FRMPD4: variants seen among roughly 807,000 people sequenced by gnomAD.
FRMPD4 encodes FERM and PDZ domain containing 4.
Under a neutral mutation model 94.1 loss-of-function variants are expected in FRMPD4, and 22 were observed. That is an observed-to-expected ratio of 0.23 (90% CI 0.17 to 0.33). The LOEUF (loss-of-function observed/expected upper bound fraction) is 0.33. FRMPD4 is among the 10% of genes least tolerant of loss of function. The probability of loss-of-function intolerance (pLI) is 1.00; values close to 1 mark genes in which losing one functional copy is unlikely to be tolerated. For synonymous variants in FRMPD4, 631 were observed against 548.6 expected, an observed-to-expected ratio of 1.15 and a Z score of -2.10; for missense variants, 1,111 against 1,339.9, an observed-to-expected ratio of 0.83 and a Z score of 2.67.
At chrX:12,704,196 G>A (rs2041837131) in intron 10 of FRMPD4, among the ~76,000 whole-genome samples, 163 bp from the exon 11 acceptor site, 1 of 112,606 alleles carries the variant, frequency 8.9e-6, no homozygotes, top group South Asian at 3.7e-4. Context: ...ATCAAGTAGT[G>A]TGTGTCCTGA....
chrX:12,060,787 T>C (rs902574504), intron 3 of FRMPD4, among the ~76,000 whole-genome samples: 1 of 111,951 alleles, frequency 8.9e-6, no homozygotes, highest in African/African-American at 3.2e-5. Context: ...ATGTATTCTT[T>C]GTGTTTACAT....
At chrX:12,046,307 C>T (rs906921567) in intron 3 of FRMPD4, among the ~76,000 whole-genome samples, 2 of 111,457 alleles carry the variant, frequency 1.8e-5, no homozygotes, top group East Asian at 5.6e-4. Context: ...AAACTCACCA[C>T]GTTTTTTTCT....
intron 1 of FRMPD4, among the ~76,000 whole-genome samples, chrX:12,400,075 G>A (rs1043381010): frequency 1.8e-5 from 2 of 111,599 alleles, no homozygotes; most frequent in Non-Finnish European, 3.8e-5. Flanking sequence ...ACTTGTTTCT[G>A]ATTCCCCAGA....
intron 1 of FRMPD4, among the ~76,000 whole-genome samples, chrX:12,157,787 A>T (rs978311448): frequency 8.9e-6 from 1 of 112,724 alleles, no homozygotes; most frequent in African/African-American, 3.2e-5. Context: ...AGCCCTGGCG[A>T]TGGCCATAGA....
intron 4 of FRMPD4, among the ~76,000 whole-genome samples, chrX:12,633,870 C>G (rs1602238832): frequency 8.9e-6 from 1 of 112,110 alleles, no homozygotes; most frequent in East Asian, 2.8e-4. Context: ...AAGTTATTTA[C>G]CACCGTGTAG....
chrX:12,016,381 CATTAA>C (rs1332687584), intron 3 of FRMPD4, among the ~76,000 whole-genome samples: 1 of 111,864 alleles, frequency 8.9e-6, no homozygotes, highest in Admixed American at 9.5e-5. Flanking sequence ...GACTAGAGTG[CATTAA>C]ATGTGGAGTG....
chrX:12,164,854 G>A (rs2056086684), intron 1 of FRMPD4, among the ~76,000 whole-genome samples: 1 of 112,479 alleles, frequency 8.9e-6, no homozygotes, highest in Non-Finnish European at 1.9e-5. Context: ...CTTCTTTTGA[G>A]AAGTGTCTGT....
At chrX:12,026,759 A>G (rs192551042) in intron 3 of FRMPD4, among the ~76,000 whole-genome samples, 47 of 112,639 alleles carry the variant, frequency 4.2e-4, no homozygotes, top group African/African-American at 1.5e-3. Flanking sequence ...TCAAGCAATA[A>G]TTATCAAGAT....
intron 2 of FRMPD4, among the ~76,000 whole-genome samples, chrX:12,537,789 C>G (rs1271924365): frequency 9.1e-6 from 1 of 110,123 alleles, no homozygotes; most frequent in African/African-American, 3.3e-5. Context: ...TTTAAGCACG[C>G]CTATTGTCTG....
intron 1 of FRMPD4, among the ~76,000 whole-genome samples, chrX:12,219,439 G>A (rs1295232467): frequency 8.9e-6 from 1 of 111,901 alleles, no homozygotes; most frequent in Non-Finnish European, 1.9e-5. Flanking sequence ...GAGAGAAAAG[G>A]GTAAACTTTT....
chrX:12,529,013 A>G (rs1474472042), intron 2 of FRMPD4, among the ~76,000 whole-genome samples: 5 of 112,564 alleles, frequency 4.4e-5, no homozygotes, highest in Non-Finnish European at 7.5e-5. Context: ...TAGTGGCCTA[A>G]AACAACTTAC....
intron 1 of FRMPD4, among the ~76,000 whole-genome samples, chrX:12,431,745 AATTTTGTTTACAC>A (rs2057012397): frequency 8.9e-6 from 1 of 112,397 alleles, no homozygotes; most frequent in Non-Finnish European, 1.9e-5. Context: ...CATGGTTGAT[AATTTTGTTTACAC>A]AATATGTTTG....
At chrX:12,127,511 C>A (rs1427659988) in intron 3 of FRMPD4, among the ~76,000 whole-genome samples, 3 of 111,800 alleles carry the variant, frequency 2.7e-5, no homozygotes, top group African/African-American at 9.8e-5. Flanking sequence ...CCCACTGGGT[C>A]CCTCCCACCA....
chrX:12,275,050 A>T (rs768993862), intron 1 of FRMPD4, among the ~76,000 whole-genome samples: 1 of 112,004 alleles, frequency 8.9e-6, no homozygotes, highest in African/African-American at 3.2e-5. Flanking sequence ...GTAGCCCCAG[A>T]TAGAATGTGA....
intron 1 of FRMPD4, among the ~76,000 whole-genome samples, chrX:12,188,407 T>C: frequency 9.0e-6 from 1 of 111,540 alleles, no homozygotes; most frequent in Middle Eastern, 4.6e-3. Flanking sequence ...GCAGAAGTAT[T>C]TGGAGGTGTA....
At chrX:12,168,202 G>T (rs907505050) in intron 1 of FRMPD4, among the ~76,000 whole-genome samples, 5 of 111,511 alleles carry the variant, frequency 4.5e-5, no homozygotes, top group Non-Finnish European at 7.5e-5. Context: ...CTAGGACTCG[G>T]AACAACTGTG....
chrX:11,991,827 C>T (rs16986642), intron 3 of FRMPD4, among the ~76,000 whole-genome samples: 5,519 of 111,883 alleles, frequency 0.049, 353 homozygotes, highest in African/African-American at 0.17. Flanking sequence ...AGGTACTTCT[C>T]CTCTAAACAG....
At chrX:12,201,076 G>A in intron 1 of FRMPD4, among the ~76,000 whole-genome samples, 1 of 112,222 alleles carries the variant, frequency 8.9e-6, no homozygotes, top group African/African-American at 3.2e-5. Context: ...TCACTTGGAA[G>A]GATGGGTTCT....
chrX:12,295,864 G>A (rs1452971278), intron 1 of FRMPD4, among the ~76,000 whole-genome samples: 1 of 112,214 alleles, frequency 8.9e-6, no homozygotes, highest in African/African-American at 3.2e-5. Flanking sequence ...GTTATTTAGT[G>A]GAGAGGGCTG....
Sources: gnomAD v4.1 joint callset for allele counts (sites outside exome capture counted in the v4.1 genomes callset) on GRCh38, gnomAD v4.1.1 for gene constraint, MANE v1.5 for transcripts, NCBI Gene and HGNC (gene_info 2026-07-23, HGNC 2026-07-21) for gene names.